SHTN1: variants seen among roughly 807,000 people sequenced by gnomAD.
The protein encoded by SHTN1 is shootin 1.
A neutral mutation model predicts 83.1 loss-of-function variants in SHTN1; 42 were observed. That is an observed-to-expected ratio of 0.51 (90% CI 0.39 to 0.65). The LOEUF (loss-of-function observed/expected upper bound fraction) is 0.65, where lower values mean the gene tolerates loss of function less well. Ranked by LOEUF, SHTN1 falls within the 30% of genes least tolerant of loss-of-function variation. The pLI is 0.00. For missense variants in SHTN1, 622 were observed against 737.8 expected (o/e 0.84, Z 1.82); for synonymous variants, 224 against 247.7 (o/e 0.90, Z 0.90).
chr10:117,068,900 A>G (rs1276668397), intron 1 of SHTN1, among the ~76,000 whole-genome samples: 1 of 152,152 alleles, frequency 6.6e-6, no homozygotes, highest in East Asian at 1.9e-4. Context: ...GCTTTTGTTT[A>G]TGTTTGAGAA....
chr10:116,925,143 G>A (rs947374837), intron 11 of SHTN1, among the ~76,000 whole-genome samples: 7 of 152,170 alleles, frequency 4.6e-5, no homozygotes, highest in African/African-American at 1.4e-4. Flanking sequence ...CGGGGTGCCT[G>A]AGATACTTGG....
intron 2 of SHTN1, among the ~76,000 whole-genome samples, chr10:117,021,672 G>T (rs1168052999): frequency 6.6e-6 from 1 of 152,052 alleles, no homozygotes; most frequent in Non-Finnish European, 1.5e-5. Flanking sequence ...CTATGTATTT[G>T]CCAGAGAAAA....
At chr10:116,985,949 A>G (rs948169893) in intron 1 of SHTN1, among the ~76,000 whole-genome samples, 1 of 152,260 alleles carries the variant, frequency 6.6e-6, no homozygotes, top group African/African-American at 2.4e-5. Flanking sequence ...AAACACTGAT[A>G]GAAAATCTGA....
intron 16 of SHTN1, chr10:116,900,495 C>T: frequency 6.8e-7 from 1 of 1,474,940 alleles, no homozygotes; most frequent in East Asian, 2.5e-5. Context: ...GAACAAAAGG[C>T]AGACAAAAGG....
chr10:116,973,855 C>G, intron 2 of SHTN1: 6 of 1,283,282 alleles, frequency 4.7e-6, no homozygotes, highest in Non-Finnish European at 6.1e-6. Context: ...TACCTGTTTA[C>G]CTGTTTAAGA....
intron 2 of SHTN1, among the ~76,000 whole-genome samples, chr10:117,024,821 T>C (rs1172876747): frequency 1.3e-5 from 2 of 152,030 alleles, no homozygotes; most frequent in East Asian, 3.9e-4. Context: ...AATACAGGAG[T>C]AGATGAATGC....
intron 1 of SHTN1, among the ~76,000 whole-genome samples, chr10:116,984,883 T>G (rs1437640255): frequency 1.3e-5 from 2 of 152,234 alleles, no homozygotes; most frequent in Non-Finnish European, 2.9e-5. Flanking sequence ...AAAGTCCCAG[T>G]GCTTCCCTAA....
At chr10:117,119,897 G>C (rs909333569) in intron 1 of SHTN1, among the ~76,000 whole-genome samples, 1 of 151,982 alleles carries the variant, frequency 6.6e-6, no homozygotes, top group Non-Finnish European at 1.5e-5. Context: ...GGAACTGGAG[G>C]TCATTACGTT....
chr10:116,971,330 A>G (rs1212563655), intron 2 of SHTN1, among the ~76,000 whole-genome samples: 3 of 152,176 alleles, frequency 2.0e-5, no homozygotes, highest in African/African-American at 4.8e-5. Flanking sequence ...AAAAATAATA[A>G]TAATTCTGTC....
At chr10:117,108,989 C>T (rs1472885693) in intron 1 of SHTN1, among the ~76,000 whole-genome samples, 1 of 152,194 alleles carries the variant, frequency 6.6e-6, no homozygotes, top group Non-Finnish European at 1.5e-5. Context: ...TCAGATCCTA[C>T]TGAAGACCTA....
intron 11 of SHTN1, among the ~76,000 whole-genome samples, chr10:116,922,734 G>A (rs1564878225): frequency 6.6e-6 from 1 of 152,142 alleles, no homozygotes; most frequent in Non-Finnish European, 1.5e-5. Context: ...GGAGGCCAAG[G>A]TGGGCAGATC....
intron 4 of SHTN1, 70 bp from the exon 5 acceptor site, chr10:116,954,280 A>G: frequency 1.0e-6 from 1 of 1,003,236 alleles, no homozygotes; most frequent in Admixed American, 2.7e-5. Context: ...TAAACAATAG[A>G]CAAATTAAGT....
intron 1 of SHTN1, among the ~76,000 whole-genome samples, chr10:117,002,124 T>C (rs1205625867): frequency 1.3e-5 from 2 of 152,220 alleles, no homozygotes; most frequent in African/African-American, 4.8e-5. Flanking sequence ...TGAACTGGTA[T>C]AATCATTTTG....
chr10:116,993,073 T>TG (rs1165521909), intron 1 of SHTN1, among the ~76,000 whole-genome samples: 2 of 142,338 alleles, frequency 1.4e-5, no homozygotes, highest in African/African-American at 5.2e-5. Context: ...TGGAGTGCAG[T>TG]GGCATGATCT....
intron 1 of SHTN1, among the ~76,000 whole-genome samples, chr10:117,068,458 G>A (rs1853035704): frequency 6.6e-6 from 1 of 152,028 alleles, no homozygotes; most frequent in Non-Finnish European, 1.5e-5. Flanking sequence ...GCAAGCTGAA[G>A]AACAAGTGGG....
intron 9 of SHTN1, among the ~76,000 whole-genome samples, chr10:116,930,662 T>A (rs1848927169): frequency 6.6e-6 from 1 of 152,210 alleles, no homozygotes; most frequent in Non-Finnish European, 1.5e-5. Context: ...TCCATGACTT[T>A]GCTGTTGCAT....
chr10:117,091,905 T>G (rs1853435458), intron 1 of SHTN1, among the ~76,000 whole-genome samples: 2 of 152,134 alleles, frequency 1.3e-5, no homozygotes, highest in African/African-American at 2.4e-5. Flanking sequence ...CATGCCTGTA[T>G]CCTCCAGTTG....
chr10:117,061,992 T>G (rs1852911953), intron 1 of SHTN1, among the ~76,000 whole-genome samples: 1 of 152,220 alleles, frequency 6.6e-6, no homozygotes, highest in African/African-American at 2.4e-5. Context: ...TCTCCAAACA[T>G]TATTTATCTT....
chr10:117,100,591 A>G (rs1853575875), intron 1 of SHTN1, among the ~76,000 whole-genome samples: 1 of 152,158 alleles, frequency 6.6e-6, no homozygotes, highest in Non-Finnish European at 1.5e-5. Context: ...CCTGCATGTA[A>G]TAATACAGAT....
Sources: allele counts gnomAD v4.1 joint callset (sites outside exome capture counted in the v4.1 genomes callset), GRCh38; gene constraint gnomAD v4.1.1; transcripts MANE v1.5; gene names NCBI Gene and HGNC (gene_info 2026-07-23, HGNC 2026-07-21).